Variants in TMOD1 observed in about 807,000 individuals in gnomAD.
The protein encoded by TMOD1 is tropomodulin-1.
A neutral mutation model predicts 40.6 loss-of-function variants in TMOD1; 17 were observed. That is an observed-to-expected ratio of 0.42 (90% CI 0.29 to 0.63). TMOD1 has a LOEUF of 0.63. Among genes scored for constraint, TMOD1 ranks in the 20% least tolerant of loss-of-function variants. TMOD1 has a pLI of 0.22. For synonymous variants in TMOD1, 181 were observed against 175.0 expected (o/e 1.03, Z -0.27); for missense variants, 391 against 447.6 (o/e 0.87, Z 1.14).
chr9:97,591,467 C>T (rs1372460936), intron 9 of TMOD1, 32 bp downstream of exon 9: 1 of 1,607,738 alleles, frequency 6.2e-7, no homozygotes. Flanking sequence ...GCCCTGCCCG[C>T]AGTCCTGTTA....
At position 97,502,440 on chromosome 9, in the gene TMOD1, C is replaced by A. The variant is rs1829517882; in HGVS notation, c.-49+637C>A. The stretch of plus-strand genomic sequence containing the variant: ...CTGGAAAGAGCTTGGAGGCGGGAGC[C>A]CCAGGTTGTCGCCGGCTCTCGGCAT... On this transcript the variant is annotated intron_variant, in intron 1 of 9. Transcript: ENST00000259365. The surrounding 1 kb of genome is among the most constrained non-coding windows in gnomAD (Gnocchi z 6.1). Among the ~76,000 whole-genome samples the A allele has an allele frequency of 6.6e-6, 1 of 152,218 alleles. No homozygotes were observed. The highest frequency in any genetic ancestry group is 2.1e-4 in the South Asian group (1 of 4,832).
chr9:97,568,312 CAGG>C (rs1338170236), intron 7 of TMOD1, among the ~76,000 whole-genome samples: 3 of 152,114 alleles, frequency 2.0e-5, no homozygotes, highest in Admixed American at 6.6e-5. Context: ...TTCAGCCCAC[CAGG>C]AGTATATAGT....
Position 97,585,499 on chromosome 9 carries a change from C to T in TMOD1, c.871-5792C>T, listed in dbSNP as rs895175478. On this transcript the variant is annotated intron_variant, in intron 8 of 9. Transcript: ENST00000259365. ...TTATGTGTCTTGGAGTTGCTCTTCTCGAGGAGTATCTTTGTGGCATTCTCT... is the reference window on the plus strand; with the variant it reads ...TTATGTGTCTTGGAGTTGCTCTTCTTGAGGAGTATCTTTGTGGCATTCTCT... Among the ~76,000 whole-genome samples the T allele has an allele frequency of 3.3e-5, 5 of 149,398 alleles. No individual in the cohort carries two copies. The South Asian group carries it at 6.4e-4, about 19-fold the overall frequency.
rs540529884 is a variant in TMOD1 at position 97,560,506 on chromosome 9, G to A, written c.398-2226G>A. On this transcript the variant is annotated intron_variant, in intron 4 of 9. Coordinates refer to ENST00000259365, the MANE Select transcript of TMOD1 (RefSeq NM_003275.4). Reference sequence around the variant, plus strand: ...GCTAAAAAAAAATCTGGTGTTGGCCGGGCGAGGTGGCTCACGCCTGCAATC... The same window carrying A: ...GCTAAAAAAAAATCTGGTGTTGGCCAGGCGAGGTGGCTCACGCCTGCAATC... Among the ~76,000 whole-genome samples the A allele has an allele frequency of 9.9e-5, 15 of 152,060 alleles. No individual in the cohort carries two copies. The South Asian group carries it at 1.9e-3, about 19-fold the overall frequency.
rs1210222238 is a variant in TMOD1, at chr9:97,502,651, T to G, written c.-49+848T>G. Reference sequence around the variant, plus strand: ...GACGCTGGGGTCCCAGCCGCGCACATGCGGAGACGCTGCAGAAATCGGAGA... The same window carrying G: ...GACGCTGGGGTCCCAGCCGCGCACAGGCGGAGACGCTGCAGAAATCGGAGA... On this transcript the variant is annotated intron_variant, in intron 1 of 9. Coordinates refer to ENST00000259365, the MANE Select transcript of TMOD1 (RefSeq NM_003275.4). The surrounding 1 kb of genome is among the most constrained non-coding windows in gnomAD (Gnocchi z 6.1). 6.6e-6 allele frequency among the ~76,000 whole-genome samples: 1 copy of G among 152,170 alleles called. No individual in the cohort carries two copies. Among genetic ancestry groups the G allele is most frequent in the East Asian group, 1.9e-4 (1 of 5,164 alleles).
At chr9:97,549,774 C>T (rs1357162882) in intron 3 of TMOD1, among the ~76,000 whole-genome samples, 2 of 152,166 alleles carry the variant, frequency 1.3e-5, no homozygotes, top group Non-Finnish European at 2.9e-5. Context: ...CCCACTCCCT[C>T]TCAACCTTCA....
At chr9:97,550,953 G>A (rs986282181) in intron 3 of TMOD1, among the ~76,000 whole-genome samples, 2 of 144,862 alleles carry the variant, frequency 1.4e-5, no homozygotes, top group East Asian at 4.0e-4. Context: ...CCAATTCTAA[G>A]GTCATAGAGA....
At chr9:97,545,028 G>A (rs1392651334) in intron 2 of TMOD1, among the ~76,000 whole-genome samples, 1 of 141,312 alleles carries the variant, frequency 7.1e-6, no homozygotes, top group Non-Finnish European at 1.5e-5. Flanking sequence ...AAAAAAAAAA[G>A]GTTGGAGGTG....
At chr9:97,589,261 A>T (rs1587962989) in intron 8 of TMOD1, among the ~76,000 whole-genome samples, 1 of 149,104 alleles carries the variant, frequency 6.7e-6, no homozygotes, top group African/African-American at 2.5e-5. Flanking sequence ...ATATTCTGTA[A>T]TTTTGCCAAA....
At chr9:97,565,630 G>A (rs1313360931) in intron 6 of TMOD1, among the ~76,000 whole-genome samples, 1 of 152,168 alleles carries the variant, frequency 6.6e-6, no homozygotes, top group East Asian at 1.9e-4. Flanking sequence ...GAGGTTACAG[G>A]TCTTATCTGA....
In TMOD1 at chr9:97,559,771, T is replaced by TAAAA. The variant is rs1830589569; in HGVS notation, c.398-2961_398-2960insAAAA. Among the ~76,000 whole-genome samples the TAAAA allele has an allele frequency of 1.4e-4, 9 of 63,328 alleles. 1 individual carries two copies. The East Asian group carries it at 2.3e-3, about 16-fold the overall frequency. The allele number at this position is 63,328 out of a possible 152,430, so 41.5% of individuals were successfully genotyped here. On this transcript the variant is annotated intron_variant, in intron 4 of 9. Coordinates refer to ENST00000259365, the MANE Select transcript of TMOD1 (RefSeq NM_003275.4). ...CAGAGCGAGACTCCGCCTCAAAAAT[T>TAAAA]TAAAAAAAAAAAAAAAAAAAAAAAT...
intron 1 of TMOD1, among the ~76,000 whole-genome samples, chr9:97,519,781 TGA>T (rs1459015722): frequency 6.6e-6 from 1 of 152,126 alleles, no homozygotes; most frequent in East Asian, 1.9e-4. Context: ...GGTCCTCTCC[TGA>T]GGGACCTCGG....
intron 4 of TMOD1, among the ~76,000 whole-genome samples, chr9:97,559,792 AAAATAT>A (rs1159213302): frequency 2.9e-5 from 1 of 35,082 alleles, no homozygotes; most frequent in Admixed American, 4.6e-4. Context: ...AAAAAAAAAA[AAAATAT>A]ATATATATAT....
At position 97,600,727 on chromosome 9, in the gene TMOD1, C is replaced by A; in HGVS notation, c.*1029C>A. 2.0e-6 allele frequency: 2 copies of A among 1,007,580 alleles called. No individual in the cohort carries two copies. Among genetic ancestry groups the A allele is most frequent in the Non-Finnish European group, 2.4e-6 (2 of 843,354 alleles). The allele number at this position is 1,007,580 out of a possible 1,614,324, so 62.4% of individuals were successfully genotyped here. A position where few individuals can be genotyped will look rare whatever the true frequency, so the allele number is the denominator to read the frequency against. On this transcript the variant is annotated 3_prime_UTR_variant, in exon 10 of 10. Coordinates refer to ENST00000259365, the MANE Select transcript of TMOD1 (RefSeq NM_003275.4). ...GATGCCGGACAATGGTGAAGAAACT[C>A]CAGATATCAAGGAATTGGGAAATCC... is the stretch of plus-strand genomic sequence containing the variant.
intron 8 of TMOD1, among the ~76,000 whole-genome samples, chr9:97,589,117 C>CA (rs755141854): frequency 0.012 from 805 of 67,338 alleles, 6 homozygotes; most frequent in Non-Finnish European, 0.017. Flanking sequence ...GACTCTGTCT[C>CA]AAAAAAAAAA....
intron 8 of TMOD1, among the ~76,000 whole-genome samples, chr9:97,571,369 C>T (rs1385822643): frequency 6.6e-6 from 1 of 152,192 alleles, no homozygotes; most frequent in African/African-American, 2.4e-5. Flanking sequence ...GGTTCAAAAA[C>T]ATTTACTTCC....
chr9:97,535,388 G>A (rs1037267728), intron 2 of TMOD1, among the ~76,000 whole-genome samples: 1 of 152,146 alleles, frequency 6.6e-6, no homozygotes, highest in Middle Eastern at 3.2e-3. Context: ...CATCTGCTGG[G>A]CCTCTGCTGC....
At chr9:97,591,230 A>G in intron 8 of TMOD1, 61 bp from the exon 9 acceptor site, 1 of 1,513,840 alleles carries the variant, frequency 6.6e-7, no homozygotes, top group Non-Finnish European at 8.9e-7. Flanking sequence ...TGGTTTAGGC[A>G]CTGTACACAT....
In TMOD1 at chr9:97,590,148, C is replaced by T. The variant is rs545193119; in HGVS notation, c.871-1143C>T. Among the ~76,000 whole-genome samples the T allele has an allele frequency of 2.0e-5, 3 of 151,988 alleles. No individual in the cohort carries two copies. In the East Asian group the frequency reaches 5.8e-4, roughly 29 times the overall value. ...ATTTGCACCATCATTTTAGAGCTGC[C>T]CACATTCTATTTAGTATGGTTGAAC... On this transcript the variant is annotated intron_variant, in intron 8 of 9. Transcript: ENST00000259365.
Sources: gnomAD v4.1 joint callset for allele counts (sites outside exome capture counted in the v4.1 genomes callset) on GRCh38, gnomAD v4.1.1 for gene constraint, Gnocchi (gnomAD v3.1) non-coding constraint, MANE v1.5 for transcripts, NCBI Gene and HGNC (gene_info 2026-07-23, HGNC 2026-07-21) for gene names.